EML6: variants seen among roughly 807,000 people sequenced by gnomAD.
EML6 encodes EMAP like 6, also known as echinoderm microtubule-associated protein-like 6.
A neutral mutation model predicts 240.1 loss-of-function variants in EML6; 154 were observed. That is an observed-to-expected ratio of 0.64 (90% CI 0.56 to 0.73). The LOEUF (loss-of-function observed/expected upper bound fraction) is 0.73. Ranked by LOEUF, EML6 falls within the 30% of genes least tolerant of loss-of-function variation. EML6 has a pLI of 0.00. For synonymous variants in EML6, 1,148 were observed against 899.0 expected (o/e 1.28, Z -4.95); for missense variants, 2,964 against 2,474.6 (o/e 1.20, Z -4.20).
At chr2:54,749,054 G>A (rs1469225702) in intron 2 of EML6, among the ~76,000 whole-genome samples, 2 of 152,204 alleles carry the variant, frequency 1.3e-5, no homozygotes, top group Admixed American at 6.5e-5. Flanking sequence ...CAAGGAATGT[G>A]TATACTTTGT....
At chr2:54,890,917 C>A in intron 17 of EML6, 137 bp from the exon 18 acceptor site, 2 of 454,992 alleles carry the variant, frequency 4.4e-6, no homozygotes, top group Admixed American at 3.6e-5. Context: ...ATGTAGATGC[C>A]CGTGTGGATT....
rs1364007325 is a variant in EML6, at chr2:54,959,125, G to A, written c.4717G>A (p.Ala1573Thr). ...ACAGAACAATCTCACTTTCACGGGT[G>A]CCATCAATGGAGATGTCTACGTCTG... is the stretch of plus-strand genomic sequence containing the variant. Reference protein sequence around the residue: ...FGANNLTFTGAINGDVYVWKD... With the variant: ...FGANNLTFTGTINGDVYVWKD... Residue 1573 changes from alanine (A) to threonine (T), a missense_variant, in exon 34 of 42, where the codon GCC becomes ACC. Physicochemically the swap from Ala to Thr is moderately conservative, Grantham distance 58. Transcript: ENST00000356458. 3 of 1,550,992 alleles carry A rather than the reference G, an allele frequency of 1.9e-6. No homozygotes were observed. Among genetic ancestry groups the A allele is most frequent in the Non-Finnish European group, 2.6e-6 (3 of 1,146,818 alleles).
At chr2:54,731,672 A>G (rs1683174421) in intron 2 of EML6, among the ~76,000 whole-genome samples, 1 of 152,130 alleles carries the variant, frequency 6.6e-6, no homozygotes, top group Admixed American at 6.5e-5. Flanking sequence ...GTTGCCACAT[A>G]ATGGGTCACT....
At chr2:54,957,759 G>C (rs1676298985) in intron 32 of EML6, 31 bp from the exon 33 acceptor site, 1 of 1,545,728 alleles carries the variant, frequency 6.5e-7, no homozygotes, top group African/African-American at 1.4e-5. Context: ...GAAGCAATGA[G>C]GAGCCTCACT....
chr2:54,807,936 T>A (rs1670583506), intron 2 of EML6, among the ~76,000 whole-genome samples: 1 of 152,210 alleles, frequency 6.6e-6, no homozygotes. Flanking sequence ...TACCAGTAAG[T>A]ATAGCATACA....
At chr2:54,826,100 TCA>T (rs1668578234) in intron 5 of EML6, among the ~76,000 whole-genome samples, 1 of 152,208 alleles carries the variant, frequency 6.6e-6, no homozygotes, top group South Asian at 2.1e-4. Context: ...CTGCATTGAT[TCA>T]GAGTTGTCAA....
rs116837032 is a variant in EML6, at chr2:54,837,054, C to G, written c.848-6993C>G. On this transcript the variant is annotated intron_variant, in intron 7 of 41. Transcript: ENST00000356458. ...GTCTTTTCCACACCCTCTACCAATA[C>G]TCCCTCTTAAGTTTGGGTGAAATTA... Among the ~76,000 whole-genome samples, 4 of 152,154 alleles carry G rather than the reference C, an allele frequency of 2.6e-5. No homozygotes were observed. In the East Asian group the frequency reaches 7.7e-4, roughly 29 times the overall value.
chr2:54,961,849 C>T (rs1304279599), intron 35 of EML6, among the ~76,000 whole-genome samples: 1 of 151,368 alleles, frequency 6.6e-6, no homozygotes, highest in African/African-American at 2.4e-5. Flanking sequence ...ACTAAAAATA[C>T]AAAAATTAGC....
intron 17 of EML6, among the ~76,000 whole-genome samples, chr2:54,887,292 A>G (rs956881276): frequency 6.6e-6 from 1 of 152,154 alleles, no homozygotes; most frequent in Admixed American, 6.5e-5. Context: ...CAAAGTGGCA[A>G]TTTTCTAATT....
chr2:54,744,811 C>G (rs1216075091), intron 2 of EML6, among the ~76,000 whole-genome samples: 1 of 151,932 alleles, frequency 6.6e-6, no homozygotes, highest in African/African-American at 2.4e-5. Flanking sequence ...TAGAAGTGCA[C>G]AGAAGAGACC....
At chr2:54,749,506 A>G (rs917608306) in intron 2 of EML6, among the ~76,000 whole-genome samples, 2 of 152,172 alleles carry the variant, frequency 1.3e-5, no homozygotes, top group African/African-American at 2.4e-5. Flanking sequence ...GAGAGAAGAT[A>G]AAACCAACAT....
At chr2:54,963,703 G>T (rs371489298) in intron 36 of EML6, among the ~76,000 whole-genome samples, 3 of 152,196 alleles carry the variant, frequency 2.0e-5, no homozygotes, top group African/African-American at 7.2e-5. Flanking sequence ...GAGTAGTTGC[G>T]ACAGAGACTA....
Position 54,813,351 on chromosome 2 carries a change from C to T in EML6, c.317C>T (p.Thr106Ile). 6.4e-7 allele frequency: 1 copy of T among 1,551,632 alleles called. No homozygotes were observed. The highest frequency in any genetic ancestry group is 1.2e-5 in the South Asian group (1 of 84,030). The change falls in exon 3 of 42, where the codon ACA (threonine) becomes ATA (isoleucine). Residue 106 changes from threonine (T) to isoleucine (I), a missense_variant. Coordinates refer to ENST00000356458, the MANE Select transcript of EML6 (RefSeq NM_001039753.4). ...GTGTCTCTTCTTAAAGATGTCCATA[C>T]ACATGGAGTTGCCTGCCTGGCTTTT... is the stretch of plus-strand genomic sequence containing the variant. ...QTVSLLKDVH[T>I]HGVACLAFDS...
chr2:54,806,982 A>G (rs1421731338), intron 2 of EML6, among the ~76,000 whole-genome samples: 3 of 152,228 alleles, frequency 2.0e-5, no homozygotes, highest in Non-Finnish European at 4.4e-5. Flanking sequence ...AAAACTATGC[A>G]TACGCATTAA....
At chr2:54,853,343 C>G (rs1042904268) in intron 10 of EML6, among the ~76,000 whole-genome samples, 8 of 152,022 alleles carry the variant, frequency 5.3e-5, no homozygotes, top group African/African-American at 1.9e-4. Flanking sequence ...TTGATACATT[C>G]ATGTGTTTAT....
chr2:54,816,124 C>T (rs995622863), intron 3 of EML6, among the ~76,000 whole-genome samples: 3 of 152,170 alleles, frequency 2.0e-5, no homozygotes, highest in South Asian at 4.1e-4. Flanking sequence ...AAGTGATATC[C>T]TGCAAGAAAC....
chr2:54,864,475 T>A (rs1000476627), intron 13 of EML6, among the ~76,000 whole-genome samples: 1 of 152,250 alleles, frequency 6.6e-6, no homozygotes, highest in Non-Finnish European at 1.5e-5. Context: ...ATTTTAGCAC[T>A]AAACAGTGTT....
rs371458379 is a variant in EML6 at position 54,912,318 on chromosome 2, A to G, written c.3498+1276A>G. On this transcript the variant is annotated intron_variant, in intron 25 of 41. Transcript: ENST00000356458. ...TTAACTTTTTTATATGGAGAAACTT[A>G]TGGCCTTGAGTAAGAGGTATTTTTA... is the stretch of plus-strand genomic sequence containing the variant. Among the ~76,000 whole-genome samples the G allele has an allele frequency of 2.0e-5, 3 of 152,328 alleles. No homozygotes were observed. The East Asian group carries it at 5.8e-4, about 29-fold the overall frequency.
At chr2:54,922,792 C>T (rs1674327685) in intron 26 of EML6, among the ~76,000 whole-genome samples, 1 of 152,002 alleles carries the variant, frequency 6.6e-6, no homozygotes, top group South Asian at 2.1e-4. Flanking sequence ...ATGAGCCAGG[C>T]ACAGAAAGAC....
Sources: allele counts gnomAD v4.1 joint callset (sites outside exome capture counted in the v4.1 genomes callset), GRCh38; gene constraint gnomAD v4.1.1; transcripts MANE v1.5; gene names NCBI Gene and HGNC (gene_info 2026-07-23, HGNC 2026-07-21).